Variants in ANKRD36B observed in about 807,000 individuals in gnomAD.
ANKRD36B encodes the protein ankyrin repeat domain 36B.
In ANKRD36B, 37 loss-of-function variants were observed where a neutral mutation model predicts 135.7. The observed-to-expected ratio is 0.27, with a 90% CI of 0.21 to 0.36. The LOEUF (loss-of-function observed/expected upper bound fraction) is 0.36. ANKRD36B is among the 10% of genes least tolerant of loss of function. The probability of loss-of-function intolerance (pLI) is 1.00; values close to 1 mark genes in which losing one functional copy is unlikely to be tolerated. For synonymous variants in ANKRD36B, 179 were observed against 348.1 expected (o/e 0.51, Z 5.41); for missense variants, 549 against 1,037.1 (o/e 0.53, Z 6.46).
intron 6 of ANKRD36B, among the ~76,000 whole-genome samples, chr2:97,565,559 C>A (rs1201545509): frequency 6.6e-6 from 1 of 151,564 alleles, no homozygotes; most frequent in African/African-American, 2.4e-5. Flanking sequence ...ACAGACACTT[C>A]TCAAAAGAAT....
chr2:97,567,865 GTGAA>G (rs1198361363), intron 6 of ANKRD36B, among the ~76,000 whole-genome samples: 1 of 152,132 alleles, frequency 6.6e-6, no homozygotes, highest in Non-Finnish European at 1.5e-5. Flanking sequence ...CCAAGATCAC[GTGAA>G]GCAGATGATC....
At chr2:97,532,724 C>CAA (rs565689864) in intron 34 of ANKRD36B, among the ~76,000 whole-genome samples, 2 of 37,940 alleles carry the variant, frequency 5.3e-5, no homozygotes, top group East Asian at 6.3e-4. Flanking sequence ...GACTGTGTCT[C>CAA]AAAAAAAAAA....
chr2:97,554,296 A>C (rs1238874741), intron 14 of ANKRD36B, among the ~76,000 whole-genome samples: 1 of 151,964 alleles, frequency 6.6e-6, no homozygotes, highest in Non-Finnish European at 1.5e-5. Flanking sequence ...TATCCATGAG[A>C]TAGCTCTTTG....
At chr2:97,581,382 T>C (rs373584091) in intron 3 of ANKRD36B, among the ~76,000 whole-genome samples, 3 of 151,830 alleles carry the variant, frequency 2.0e-5, no homozygotes, top group Non-Finnish European at 4.4e-5. Flanking sequence ...TCTGACACGA[T>C]TGACAGTTCA....
chr2:97,581,084 T>C (rs2082603187), intron 3 of ANKRD36B, among the ~76,000 whole-genome samples: 1 of 132,930 alleles, frequency 7.5e-6, no homozygotes, highest in South Asian at 2.5e-4. Context: ...GACTCCATGA[T>C]CACCCATGTT....
At chr2:97,530,312 C>T (rs2104445686) in intron 35 of ANKRD36B, among the ~76,000 whole-genome samples, 1 of 94,908 alleles carries the variant, frequency 1.1e-5, no homozygotes, top group African/African-American at 3.2e-5. Context: ...GGAAAGGATT[C>T]CCTATTTAAT....
At chr2:97,571,173 T>G (rs1158040050) in intron 6 of ANKRD36B, among the ~76,000 whole-genome samples, 1 of 152,178 alleles carries the variant, frequency 6.6e-6, no homozygotes, top group Non-Finnish European at 1.5e-5. Context: ...TCACCAAGGT[T>G]TCTTTTATAA....
chr2:97,529,848 G>C (rs1423613796), intron 35 of ANKRD36B, among the ~76,000 whole-genome samples: 1 of 95,380 alleles, frequency 1.0e-5, no homozygotes, highest in East Asian at 2.3e-4. Flanking sequence ...AACTTACAAG[G>C]GACGTGAAGG....
At chr2:97,543,098 G>A (rs1294086262) in intron 26 of ANKRD36B, among the ~76,000 whole-genome samples, 6 of 152,138 alleles carry the variant, frequency 3.9e-5, no homozygotes, top group Admixed American at 3.9e-4. Flanking sequence ...TCAACAAAAC[G>A]TGTAAGTCTG....
At chr2:97,572,549 T>G (rs1480896270) in intron 6 of ANKRD36B, among the ~76,000 whole-genome samples, 2 of 146,534 alleles carry the variant, frequency 1.4e-5, no homozygotes, top group African/African-American at 5.0e-5. Context: ...AAACTTAAAA[T>G]CTTAAAGGAG....
chr2:97,549,954 G>C (rs2079886819), intron 18 of ANKRD36B, among the ~76,000 whole-genome samples: 1 of 151,968 alleles, frequency 6.6e-6, no homozygotes, highest in Non-Finnish European at 1.5e-5. Context: ...GAGAATCAAT[G>C]TCAAAGCAGG....
At chr2:97,541,752 G>A (rs2079159832) in intron 28 of ANKRD36B, 159 bp downstream of exon 28, 2 of 627,588 alleles carry the variant, frequency 3.2e-6, no homozygotes, top group African/African-American at 3.9e-5. Flanking sequence ...TCAAGGACCA[G>A]CACCATCAGG....
chr2:97,558,989 A>G lies in ANKRD36B; in HGVS notation c.871T>C (p.Ser291Pro), dbSNP rs777012890. Residue 291 changes from serine to proline, a missense_variant, in exon 9 of 44, where the codon TCT becomes CCT. Ser to Pro is a moderately conservative substitution (Grantham distance 74). Coordinates refer to ENST00000359901, the MANE Select transcript of ANKRD36B (RefSeq NM_001393939.1). Reference protein sequence around the residue: ...KEGPISGTVSSQKQPAEKATS... With the variant: ...KEGPISGTVSPQKQPAEKATS... The stretch of plus-strand genomic sequence containing the variant: ...ACCTTCTCAGCTGGTTGTTTCTGAG[A>G]AGACACTGAAAAGCAAAAGGGAAAC... 25 of 1,603,442 alleles carry G rather than the reference A, an allele frequency of 1.6e-5. No homozygotes were observed. Among genetic ancestry groups the G allele is most frequent in the Admixed American group, 1.0e-4 (6 of 59,680 alleles).
rs1475877613 is a variant in ANKRD36B at position 97,585,027 on chromosome 2, G to C, written c.367C>G (p.Leu123Val). ...NITDVFGRTA[L>V]HYAVYNEDTS... ...TCTTCATTATACACAGCGTAGTGCAGAGCAGTCCTTCCAAAGACATCCGTA... is the reference window on the plus strand; with the variant it reads ...TCTTCATTATACACAGCGTAGTGCACAGCAGTCCTTCCAAAGACATCCGTA... The change falls in exon 3 of 44, where the codon CTG becomes GTG. Residue 123 changes from leucine to valine, a missense_variant. By Grantham distance (32) the Leu-to-Val change is conservative. Coordinates refer to ENST00000359901, the MANE Select transcript of ANKRD36B (RefSeq NM_001393939.1). 5.6e-6 allele frequency: 9 copies of C among 1,611,140 alleles called. No homozygotes were observed. Among genetic ancestry groups the C allele is most frequent in the Non-Finnish European group, 7.6e-6 (9 of 1,179,746 alleles).
In ANKRD36B at chr2:97,568,237, T is replaced by C. The variant is rs557360124; in HGVS notation, c.764-7377A>G. Among the ~76,000 whole-genome samples, 19 of 152,136 alleles carry C rather than the reference T, an allele frequency of 1.2e-4. No individual in the cohort carries two copies. The East Asian group carries it at 3.5e-3, about 28-fold the overall frequency. Reference sequence around the variant, plus strand: ...TAAGGGTCTTGAAATGTATCCCCCATGTGTAAGAGGAAATTACTGTACTTA... The same window carrying C: ...TAAGGGTCTTGAAATGTATCCCCCACGTGTAAGAGGAAATTACTGTACTTA... On this transcript the variant is annotated intron_variant, in intron 6 of 43. Transcript: ENST00000359901.
chr2:97,552,543 T>C (rs1244279478), intron 16 of ANKRD36B, among the ~76,000 whole-genome samples: 1 of 151,934 alleles, frequency 6.6e-6, no homozygotes, highest in Non-Finnish European at 1.5e-5. Flanking sequence ...TCTAGCATTG[T>C]TTCCTGCTTC....
chr2:97,553,006 C>T (rs1181633011), intron 16 of ANKRD36B, among the ~76,000 whole-genome samples, 162 bp downstream of exon 16: 1 of 151,840 alleles, frequency 6.6e-6, no homozygotes, highest in Non-Finnish European at 1.5e-5. Flanking sequence ...GCAGCATTAG[C>T]GTCACCCAAT....
At chr2:97,563,966 C>A (rs1180252679) in intron 6 of ANKRD36B, among the ~76,000 whole-genome samples, 2 of 146,470 alleles carry the variant, frequency 1.4e-5, no homozygotes, top group Non-Finnish European at 1.5e-5. Context: ...AATCAAATAC[C>A]TCACTGGGTC....
chr2:97,587,181 A>G (rs1269140406), intron 1 of ANKRD36B, among the ~76,000 whole-genome samples: 2 of 152,210 alleles, frequency 1.3e-5, no homozygotes, highest in African/African-American at 2.4e-5. Context: ...TCAAAAATAA[A>G]CAAACAAACG....
Sources: gnomAD v4.1 joint callset for allele counts (sites outside exome capture counted in the v4.1 genomes callset) on GRCh38, gnomAD v4.1.1 for gene constraint, MANE v1.5 for transcripts, NCBI Gene and HGNC (gene_info 2026-07-23, HGNC 2026-07-21) for gene names.